TENT2: variants seen among roughly 807,000 people sequenced by gnomAD.
TENT2 encodes poly(A) RNA polymerase GLD2.
A neutral mutation model predicts 72.2 loss-of-function variants in TENT2; 44 were observed. That is an observed-to-expected ratio of 0.61 (90% confidence interval 0.48 to 0.78). The LOEUF is 0.78. Among genes scored for constraint, TENT2 ranks in the 30% least tolerant of loss-of-function variants. The pLI, the probability that TENT2 is intolerant of heterozygous loss-of-function variation, is 0.00. For synonymous variants in TENT2, 212 were observed against 192.5 expected, an observed-to-expected ratio of 1.10 and a Z score of -0.84; for missense variants, 541 against 569.6, an observed-to-expected ratio of 0.95 and a Z score of 0.51.
chr5:79,685,160 A>C, intron 14 of TENT2, 39 bp from the exon 15 acceptor site: 1 of 1,432,582 alleles, frequency 7.0e-7, no homozygotes, highest in East Asian at 2.3e-5. Flanking sequence ...GTTCTGCATA[A>C]ATTTTAGGTT....
At chr5:79,664,787 A>G (rs1806042133) in intron 11 of TENT2, among the ~76,000 whole-genome samples, 1 of 152,188 alleles carries the variant, frequency 6.6e-6, no homozygotes, top group African/African-American at 2.4e-5. Context: ...GATATGTGGC[A>G]TATACTAAAC....
rs1825669137 is a variant in TENT2, at chr5:79,685,221, A to G, written c.1403A>G (p.Lys468Arg). ...CAGTCATGGCACAGATTGAAAAACA[A>G]GAGAGATTTGAACAGTATACTACCT... is the stretch of plus-strand genomic sequence containing the variant. ...FLKSWHRLKN[K>R]RDLNSILPVR... is the part of the protein sequence containing the mutation. Residue 468 changes from lysine (K) to arginine (R), a missense_variant, in exon 15 of 15, where the codon AAG becomes AGG. By Grantham distance (26) the Lys-to-Arg change is conservative. Coordinates refer to ENST00000453514, the MANE Select transcript of TENT2 (RefSeq NM_001114394.3). 1.9e-6 allele frequency: 3 copies of G among 1,607,618 alleles called. No individual in the cohort carries two copies. The highest frequency in any genetic ancestry group is 4.5e-5 in the East Asian group (2 of 44,662).
At chr5:79,640,054 C>T (rs953756939) in intron 4 of TENT2, among the ~76,000 whole-genome samples, 7 of 151,822 alleles carry the variant, frequency 4.6e-5, no homozygotes, top group Admixed American at 1.3e-4. Context: ...GTCAGGGGTT[C>T]GAGAGCAGCC....
chr5:79,622,959 A>G (rs1766317859), intron 3 of TENT2, among the ~76,000 whole-genome samples: 1 of 152,126 alleles, frequency 6.6e-6, no homozygotes, highest in East Asian at 1.9e-4. Context: ...TTTTCCTACA[A>G]AGTTTTCACT....
At chr5:79,616,557 A>G (rs60818258) in intron 1 of TENT2, among the ~76,000 whole-genome samples, 30,857 of 151,950 alleles carry the variant, frequency 0.2, 4,626 homozygotes, top group African/African-American at 0.42. Context: ...GGCTCAAACA[A>G]TCTGCCTGCC....
intron 14 of TENT2, among the ~76,000 whole-genome samples, chr5:79,683,175 C>G (rs1156766175): frequency 4.6e-5 from 7 of 152,086 alleles, no homozygotes; most frequent in African/African-American, 1.7e-4. Context: ...AAATAATGGC[C>G]AGGTGCAATG....
At chr5:79,622,074 G>C (rs1418911553) in intron 3 of TENT2, among the ~76,000 whole-genome samples, 1 of 152,008 alleles carries the variant, frequency 6.6e-6, no homozygotes, top group African/African-American at 2.4e-5. Flanking sequence ...GCTGAGGTGG[G>C]CAGGTCATTT....
Position 79,685,334 on chromosome 5 carries a change from A to G in TENT2, c.*61A>G. The G allele has an allele frequency of 8.1e-7, 1 of 1,235,796 alleles. No homozygotes were observed. Among genetic ancestry groups the G allele is most frequent in the Non-Finnish European group, 1.1e-6 (1 of 880,844 alleles). 76.6% of individuals were successfully genotyped at this position (1,235,796 alleles called of 1,614,324 possible). A position where few individuals can be genotyped will look rare whatever the true frequency, so the allele number is the denominator to read the frequency against. ...TAAAGAACAATAGTTTCATCATAAT[A>G]CATTATGTTTACCTCCATCATAGTT... On this transcript the variant is annotated 3_prime_UTR_variant, in exon 15 of 15. Coordinates refer to ENST00000453514, the MANE Select transcript of TENT2 (RefSeq NM_001114394.3).
At chr5:79,661,649 A>G (rs936043128) in intron 11 of TENT2, among the ~76,000 whole-genome samples, 2 of 152,216 alleles carry the variant, frequency 1.3e-5, no homozygotes, top group Admixed American at 1.3e-4. Flanking sequence ...AAAATGCTTT[A>G]TTGCTACAAA....
intron 14 of TENT2, among the ~76,000 whole-genome samples, chr5:79,682,651 T>A (rs1822980315): frequency 6.6e-6 from 1 of 152,102 alleles, no homozygotes; most frequent in Admixed American, 6.5e-5. Flanking sequence ...TAATGGACTC[T>A]TTTCCTTCCT....
chr5:79,681,146 T>A (rs1821389212), intron 13 of TENT2, among the ~76,000 whole-genome samples: 1 of 144,040 alleles, frequency 6.9e-6, no homozygotes, highest in Non-Finnish European at 1.5e-5. Flanking sequence ...TTTTCTTTTC[T>A]TTGATTTTTT....
chr5:79,667,952 A>G (rs925982228), intron 11 of TENT2, among the ~76,000 whole-genome samples: 3 of 151,812 alleles, frequency 2.0e-5, no homozygotes, highest in Admixed American at 1.3e-4. Flanking sequence ...TTTTAACGAA[A>G]AAAAAAAATC....
intron 11 of TENT2, among the ~76,000 whole-genome samples, chr5:79,663,612 G>T (rs997345913): frequency 6.6e-6 from 1 of 152,150 alleles, no homozygotes; most frequent in African/African-American, 2.4e-5. Flanking sequence ...TAACATTTTT[G>T]ATTAAGTTTG....
chr5:79,676,587 A>G (rs764966131), intron 12 of TENT2, among the ~76,000 whole-genome samples: 8 of 152,160 alleles, frequency 5.3e-5, no homozygotes, highest in Non-Finnish European at 8.8e-5. Flanking sequence ...ACTCTGACTA[A>G]TAAATAAATA....
intron 10 of TENT2, among the ~76,000 whole-genome samples, chr5:79,656,679 G>A (rs947265443): frequency 3.3e-5 from 5 of 151,906 alleles, no homozygotes; most frequent in South Asian, 2.1e-4. Flanking sequence ...GACAAATTAT[G>A]TATGTCCCTT....
chr5:79,647,664 T>C (rs1790216165), intron 8 of TENT2, among the ~76,000 whole-genome samples: 1 of 152,178 alleles, frequency 6.6e-6, no homozygotes, highest in Non-Finnish European at 1.5e-5. Flanking sequence ...CTATAATTAA[T>C]ATAGAAATAT....
rs562304789 is a variant in TENT2, at chr5:79,622,780, A to G, written c.228-472A>G. Among the ~76,000 whole-genome samples the G allele has an allele frequency of 3.6e-3, 546 of 152,276 alleles. 2 individuals are homozygous for G. The highest frequency in any genetic ancestry group is 4.3e-3 in the African/African-American group (178 of 41,566). On this transcript the variant is annotated intron_variant, in intron 3 of 14. Transcript: ENST00000453514. ...CATTTTTGAATTTCTTCGTTGTCCAATGTCTTTATAGCTTTATTGAAAAGT... is the reference window on the plus strand; with the variant it reads ...CATTTTTGAATTTCTTCGTTGTCCAGTGTCTTTATAGCTTTATTGAAAAGT...
intron 3 of TENT2, among the ~76,000 whole-genome samples, chr5:79,621,106 A>T (rs1390331689): frequency 1.3e-5 from 1 of 75,116 alleles, no homozygotes; most frequent in East Asian, 3.4e-4. Context: ...AAGGTGCTGT[A>T]AAAAAAAAAA....
intron 10 of TENT2, among the ~76,000 whole-genome samples, chr5:79,654,292 G>A (rs1796324474): frequency 6.6e-6 from 1 of 152,130 alleles, no homozygotes; most frequent in Admixed American, 6.5e-5. Flanking sequence ...TTAGCTGGGC[G>A]TGGTAGTGCA....
Sources: gnomAD v4.1 joint callset for allele counts (sites outside exome capture counted in the v4.1 genomes callset) on GRCh38, gnomAD v4.1.1 for gene constraint, MANE v1.5 for transcripts, NCBI Gene and HGNC (gene_info 2026-07-23, HGNC 2026-07-21) for gene names.